The following CD226 variants were observed in gnomAD, a reference collection of about 807,000 sequenced individuals.
CD226 encodes the protein CD226 molecule.
CD226 carries 24 observed loss-of-function variants against 34.9 expected under a neutral mutation model. That is an observed-to-expected ratio of 0.69 (90% CI 0.50 to 0.97). The LOEUF (loss-of-function observed/expected upper bound fraction) is 0.97, where lower values mean the gene tolerates loss of function less well. CD226 is among the 50% of genes least tolerant of loss of function. The probability of loss-of-function intolerance (pLI) is 0.00; values close to 1 mark genes in which losing one functional copy is unlikely to be tolerated. For synonymous variants in CD226, 148 were observed against 147.4 expected (o/e 1.00, Z -0.03); for missense variants, 397 against 412.7 (o/e 0.96, Z 0.33).
intron 3 of CD226, among the ~76,000 whole-genome samples, chr18:69,881,626 G>A (rs561456983): frequency 6.6e-6 from 1 of 152,226 alleles, no homozygotes; most frequent in East Asian, 1.9e-4. Context: ...TATATTTTAC[G>A]TAGACACATT....
intron 3 of CD226, among the ~76,000 whole-genome samples, chr18:69,885,140 T>C (rs1788239): frequency 0.97 from 147,120 of 152,246 alleles, 71,307 homozygotes; most frequent in East Asian, 1. Context: ...TTTTCAAATG[T>C]TGTAGTGAAA....
intron 2 of CD226, among the ~76,000 whole-genome samples, chr18:69,933,458 T>C (rs1395286623): frequency 6.6e-6 from 1 of 152,174 alleles, no homozygotes; most frequent in East Asian, 1.9e-4. Context: ...ATTACACCTA[T>C]ATTTCCAGGC....
chr18:69,897,720 G>A (rs1179783668), intron 2 of CD226, among the ~76,000 whole-genome samples: 2 of 152,198 alleles, frequency 1.3e-5, no homozygotes, highest in South Asian at 2.1e-4. Flanking sequence ...AGGAGACAGA[G>A]AAACAAAAGA....
At chr18:69,957,349 TC>T (rs1599040731), upstream of CD226, among the ~76,000 whole-genome samples, 2 of 49,844 alleles carry the variant, frequency 4.0e-5, no homozygotes, top group Admixed American at 3.3e-4. Flanking sequence ...TTCTAGATAC[TC>T]TTTTTTTTTT....
At chr18:69,934,946 C>T (rs752961060) in intron 2 of CD226, among the ~76,000 whole-genome samples, 22 of 152,102 alleles carry the variant, frequency 1.4e-4, no homozygotes, top group Non-Finnish European at 2.5e-4. Context: ...ATTTTCTCCA[C>T]GGAAAGAAAA....
intron 4 of CD226, among the ~76,000 whole-genome samples, chr18:69,868,734 A>T (rs1396757971): frequency 2.0e-5 from 3 of 152,118 alleles, no homozygotes; most frequent in African/African-American, 7.2e-5. Context: ...CTATCTCACA[A>T]CGTGCAGTTA....
At chr18:69,872,561 T>C (rs1983601394) in intron 4 of CD226, among the ~76,000 whole-genome samples, 1 of 151,984 alleles carries the variant, frequency 6.6e-6, no homozygotes, top group South Asian at 2.1e-4. Flanking sequence ...AATAAAAGAT[T>C]AAAAAAAATT....
At position 69,935,754 on chromosome 18, in the gene CD226, G is replaced by C. The variant is rs551200012; in HGVS notation, c.382+10980C>G. On this transcript the variant is annotated intron_variant, in intron 2 of 5. Coordinates refer to ENST00000582621, the MANE Select transcript of CD226 (RefSeq NM_001303618.2). ...CACAGAATGTTCTGAGGTCACAGGA[G>C]AATCAGTGTCCGAAGCTTCAGCTGT... Among the ~76,000 whole-genome samples the C allele has an allele frequency of 5.9e-5, 9 of 152,320 alleles. No homozygotes were observed. The South Asian group carries it at 1.9e-3, about 32-fold the overall frequency.
chr18:69,943,603 G>A (rs2055752490), intron 2 of CD226, among the ~76,000 whole-genome samples: 1 of 152,202 alleles, frequency 6.6e-6, no homozygotes, highest in Non-Finnish European at 1.5e-5. Context: ...ATTGATAGGA[G>A]GTACAAAGGC....
At chr18:69,902,889 C>T (rs747461809) in intron 2 of CD226, among the ~76,000 whole-genome samples, 1 of 152,026 alleles carries the variant, frequency 6.6e-6, no homozygotes, top group Admixed American at 6.6e-5. Flanking sequence ...CCCAACTGTG[C>T]CTAGACTATG....
chr18:69,872,754 T>C (rs565873427), intron 4 of CD226, among the ~76,000 whole-genome samples: 1 of 152,336 alleles, frequency 6.6e-6, no homozygotes, highest in African/African-American at 2.4e-5. Flanking sequence ...CAATAAATAT[T>C]TGATGAATGA....
rs552163031 is a variant in CD226, at chr18:69,938,511, G to A, written c.382+8223C>T. Reference sequence around the variant, plus strand: ...TGGATATTTTCAATCCTGGTTTGTTGTTCCATAATTTCAATTGTCAGCTGG... The same window carrying A: ...TGGATATTTTCAATCCTGGTTTGTTATTCCATAATTTCAATTGTCAGCTGG... On this transcript the variant is annotated intron_variant, in intron 2 of 5. Coordinates refer to ENST00000582621, the MANE Select transcript of CD226 (RefSeq NM_001303618.2). Among the ~76,000 whole-genome samples, 3 of 152,268 alleles carry A rather than the reference G, an allele frequency of 2.0e-5. No homozygotes were observed. The East Asian group carries it at 5.8e-4, about 29-fold the overall frequency.
At chr18:69,935,413 A>G (rs923462205) in intron 2 of CD226, among the ~76,000 whole-genome samples, 1 of 152,154 alleles carries the variant, frequency 6.6e-6, no homozygotes, top group Admixed American at 6.5e-5. Flanking sequence ...GAATTTTTTA[A>G]AAGATCACAG....
intron 3 of CD226, among the ~76,000 whole-genome samples, chr18:69,880,281 G>A (rs1415267618): frequency 2.0e-5 from 3 of 146,498 alleles, no homozygotes; most frequent in Admixed American, 6.9e-5. Context: ...GGAGGGAAGG[G>A]AAGGGAAGGG....
rs1268387564 is a variant in CD226 at position 69,860,907 on chromosome 18, T to A, written c.*3407A>T. The A allele has an allele frequency of 1.3e-5, 2 of 152,102 alleles. No individual in the cohort carries two copies. The highest frequency in any genetic ancestry group is 4.8e-5 in the African/African-American group (2 of 41,450). The allele number at this position is 152,102 out of a possible 1,614,324, so 9.4% of individuals were successfully genotyped here. On this transcript the variant is annotated 3_prime_UTR_variant, in exon 6 of 6. Transcript: ENST00000582621. ...ATAATATCGTCAATCTTGCTGAAAT[T>A]TCATATAAGCAGTACAAAATACAGT...
rs187282045 is a variant in CD226 at position 69,941,690 on chromosome 18, C to T, written c.382+5044G>A. On this transcript the variant is annotated intron_variant, in intron 2 of 5. Transcript: ENST00000582621. ...GCTTTTGATTTTACAGGCTCATAGG[C>T]GGAAGGTACTTGCCTTGTCTCAGAT... Among the ~76,000 whole-genome samples the T allele has an allele frequency of 4.9e-3, 750 of 152,210 alleles. 4 individuals carry two copies. Among genetic ancestry groups the T allele is most frequent in the Non-Finnish European group, 8.6e-3 (586 of 68,016 alleles).
At chr18:69,898,393 A>G (rs1037235141) in intron 2 of CD226, among the ~76,000 whole-genome samples, 4 of 152,090 alleles carry the variant, frequency 2.6e-5, no homozygotes, top group Non-Finnish European at 5.9e-5. Flanking sequence ...AACCAAAACC[A>G]TGCTGTCAGG....
At chr18:69,901,088 G>A (rs1160050805) in intron 2 of CD226, among the ~76,000 whole-genome samples, 2 of 152,054 alleles carry the variant, frequency 1.3e-5, no homozygotes, top group Non-Finnish European at 2.9e-5. Context: ...ACTGCAAAGA[G>A]CAGAGAAACG....
Position 69,864,323 on chromosome 18 carries a change from A to C in CD226, c.1002T>G (p.Thr334=). The change falls in exon 6 of 6, where the codon ACT becomes ACG. Residue 334 remains threonine (T), a synonymous_variant. Coordinates refer to ENST00000582621, the MANE Select transcript of CD226 (RefSeq NM_001303618.2). ...CATGTCAAGAATAAGCTTAAACTCT[A>C]GTCTTTGGTCTGCGAGAGAAGGTTG... The part of the protein sequence containing the change: ...NYPTFSRRPK[T]RV 1 of 1,613,778 alleles carries C rather than the reference A, an allele frequency of 6.2e-7. No homozygotes were observed. Among genetic ancestry groups the C allele is most frequent in the Non-Finnish European group, 8.5e-7 (1 of 1,179,794 alleles).
Sources: gnomAD v4.1 joint callset for allele counts (sites outside exome capture counted in the v4.1 genomes callset) on GRCh38, gnomAD v4.1.1 for gene constraint, MANE v1.5 for transcripts, NCBI Gene and HGNC (gene_info 2026-07-23, HGNC 2026-07-21) for gene names.